Variants in NBAS observed in about 807,000 individuals in gnomAD.
NBAS encodes NBAS subunit of NRZ tethering complex, also known as NAG/BC035112 fusion.
In NBAS, 219 loss-of-function variants were observed where a neutral mutation model predicts 302.5. That is an observed-to-expected ratio of 0.72 (90% CI 0.65 to 0.81). NBAS has a LOEUF of 0.81. Among genes scored for constraint, NBAS ranks in the 30% least tolerant of loss-of-function variants. The pLI is 0.00. For missense variants in NBAS, 2,932 were observed against 2,841.6 expected, an observed-to-expected ratio of 1.03 and a Z score of -0.72; for synonymous variants, 1,118 against 1,021.6, an observed-to-expected ratio of 1.09 and a Z score of -1.80.
chr2:15,218,887 G>T lies in NBAS; in HGVS notation c.6318C>A (p.Arg2106=). Residue 2106 remains arginine, a synonymous_variant, in exon 48 of 52, where the codon CGC becomes CGA. Coordinates refer to ENST00000281513, the MANE Select transcript of NBAS (RefSeq NM_015909.4). ...GCCCCAAAATCTGCAGCACGTGAAT[G>T]CGGGGCCGCACCGGCCAGGCGTCAT... The part of the protein sequence containing the change: ...CADDAWPVRP[R]IHVLQILGQS... 2 of 1,614,266 alleles carry T rather than the reference G, an allele frequency of 1.2e-6. No homozygotes were observed. Among genetic ancestry groups the T allele is most frequent in the Non-Finnish European group, 1.7e-6 (2 of 1,180,046 alleles).
Position 15,277,032 on chromosome 2 carries a change from T to C in NBAS, c.5208A>G (p.Pro1736=), listed in dbSNP as rs752984234. 1.9e-6 allele frequency: 3 copies of C among 1,613,844 alleles called. No homozygotes were observed. Among genetic ancestry groups the C allele is most frequent in the South Asian group, 2.2e-5 (2 of 91,066 alleles). The change falls in exon 43 of 52, where the codon CCA becomes CCG. Residue 1736 remains proline (P), a synonymous_variant. Transcript: ENST00000281513. ...LHLFETLKTD[P]EAFHQHMVKY... ...TGACCATGTGCTGGTGAAAGGCTTC[T>C]GGATCAGTCTTCAAAGTCTCAAAGA...
At chr2:14,821,257 G>T in the NBAS span, among the ~76,000 whole-genome samples, 1 of 152,106 alleles carries the variant, frequency 6.6e-6, no homozygotes, top group Non-Finnish European at 1.5e-5. Flanking sequence ...ACTTAGAGCT[G>T]CCCTATATGG....
At chr2:15,376,875 G>C (rs1674770228) in intron 30 of NBAS, among the ~76,000 whole-genome samples, 1 of 152,048 alleles carries the variant, frequency 6.6e-6, no homozygotes, top group Non-Finnish European at 1.5e-5. Flanking sequence ...CACACATACA[G>C]CATGTTTGTA....
chr2:15,277,740 A>G (rs996891776), intron 42 of NBAS, among the ~76,000 whole-genome samples: 1 of 152,198 alleles, frequency 6.6e-6, no homozygotes, highest in Non-Finnish European at 1.5e-5. Context: ...TGTCTTTGTA[A>G]TCTAATTTTA....
intron 41 of NBAS, among the ~76,000 whole-genome samples, chr2:15,290,028 A>AGAGAG (rs1169417899): frequency 6.7e-6 from 1 of 148,276 alleles, no homozygotes; most frequent in Admixed American, 6.7e-5. Context: ...AGAGAGGAGA[A>AGAGAG]GAGAGGAGAG....
At chr2:14,918,722 A>G in the NBAS span, among the ~76,000 whole-genome samples, 1,112 of 152,256 alleles carry the variant, frequency 7.3e-3, 14 homozygotes, top group African/African-American at 0.025. Context: ...GCATGACAAG[A>G]TTGGTGTTTT....
chr2:14,962,586 T>C, the NBAS span, among the ~76,000 whole-genome samples: 1 of 152,100 alleles, frequency 6.6e-6, no homozygotes, highest in African/African-American at 2.4e-5. Flanking sequence ...TATCACACTT[T>C]ACCAAAAAAA....
At chr2:15,088,451 T>A in the NBAS span, among the ~76,000 whole-genome samples, 8 of 152,320 alleles carry the variant, frequency 5.3e-5, no homozygotes, top group African/African-American at 1.9e-4. Flanking sequence ...CCCTTGAAAG[T>A]GGAGAAAAAG....
the NBAS span, among the ~76,000 whole-genome samples, chr2:14,910,180 G>A: frequency 2.0e-5 from 3 of 152,278 alleles, no homozygotes; most frequent in South Asian, 2.1e-4. Context: ...AGAGAAAATG[G>A]CTTGATTTAA....
At position 15,315,725 on chromosome 2, in the gene NBAS, T is replaced by G. The variant is rs1349845014; in HGVS notation, c.4583-6478A>C. On this transcript the variant is annotated intron_variant, in intron 38 of 51. Coordinates refer to ENST00000281513, the MANE Select transcript of NBAS (RefSeq NM_015909.4). ...CTCTCTTCTCAAATCCCTAACACAATTGTTGTTGAAGTTATCTCATGACTT... is the reference window on the plus strand; with the variant it reads ...CTCTCTTCTCAAATCCCTAACACAAGTGTTGTTGAAGTTATCTCATGACTT... Among the ~76,000 whole-genome samples the G allele has an allele frequency of 2.0e-5, 3 of 152,300 alleles. No individual in the cohort carries two copies. The East Asian group carries it at 5.8e-4, about 29-fold the overall frequency.
chr2:14,867,048 T>C, the NBAS span, among the ~76,000 whole-genome samples: 16 of 152,292 alleles, frequency 1.1e-4, no homozygotes, highest in African/African-American at 3.6e-4. Flanking sequence ...TTATAAGCTA[T>C]GCAGAGAAAT....
intron 35 of NBAS, among the ~76,000 whole-genome samples, chr2:15,339,406 T>C (rs946499137): frequency 6.6e-6 from 1 of 152,128 alleles, no homozygotes; most frequent in Non-Finnish European, 1.5e-5. Context: ...AATTATCAAA[T>C]AGGGTCCCAT....
chr2:15,305,560 G>A (rs994812575), intron 40 of NBAS, among the ~76,000 whole-genome samples: 7 of 148,962 alleles, frequency 4.7e-5, no homozygotes, highest in South Asian at 2.2e-4. Flanking sequence ...CAAGCGATTC[G>A]CCTGCCTCAG....
chr2:14,919,560 A>C, the NBAS span, among the ~76,000 whole-genome samples: 1 of 152,210 alleles, frequency 6.6e-6, no homozygotes, highest in African/African-American at 2.4e-5. Flanking sequence ...ATGTTGTTTG[A>C]TAGCATTTTA....
chr2:14,910,515 C>T, the NBAS span, among the ~76,000 whole-genome samples: 4 of 152,180 alleles, frequency 2.6e-5, no homozygotes, highest in African/African-American at 4.8e-5. Context: ...CAGGCCACAC[C>T]GGGGTTTTCT....
At chr2:15,206,349 G>A (rs1481656768) in intron 48 of NBAS, among the ~76,000 whole-genome samples, 3 of 152,030 alleles carry the variant, frequency 2.0e-5, no homozygotes, top group Non-Finnish European at 4.4e-5. Context: ...AGACAGAGAT[G>A]GTCTGATATT....
downstream of NBAS, among the ~76,000 whole-genome samples, chr2:15,165,200 G>T (rs1298379953): frequency 6.6e-6 from 1 of 152,234 alleles, no homozygotes; most frequent in East Asian, 1.9e-4. Context: ...TAGCTGCAAG[G>T]TTACAGAAAA....
chr2:15,034,235 GGA>G, the NBAS span, among the ~76,000 whole-genome samples: 2 of 81,636 alleles, frequency 2.4e-5, no homozygotes, highest in African/African-American at 4.5e-5. Flanking sequence ...AAAGAAAGAA[GGA>G]AAGAAAGAAA....
intron 44 of NBAS, among the ~76,000 whole-genome samples, chr2:15,251,251 G>C (rs1373553608): frequency 6.6e-6 from 1 of 152,130 alleles, no homozygotes; most frequent in Non-Finnish European, 1.5e-5. Flanking sequence ...AGTGGGAGCT[G>C]AACAATGAGA....
Sources: allele counts gnomAD v4.1 joint callset (sites outside exome capture counted in the v4.1 genomes callset), GRCh38; gene constraint gnomAD v4.1.1; transcripts MANE v1.5; gene names NCBI Gene and HGNC (gene_info 2026-07-23, HGNC 2026-07-21).